Variants in CTNND2 observed in about 807,000 individuals in gnomAD.
The protein encoded by CTNND2 is catenin delta-2.
A neutral mutation model predicts 144.4 loss-of-function variants in CTNND2; 22 were observed. That is an observed-to-expected ratio of 0.15 (90% CI 0.11 to 0.22). CTNND2 has a LOEUF of 0.22. Among genes scored for constraint, CTNND2 ranks in the 10% least tolerant of loss-of-function variants. The pLI is 1.00. For missense variants in CTNND2, 1,353 were observed against 1,618.8 expected (o/e 0.84, Z 2.82); for synonymous variants, 751 against 695.6 (o/e 1.08, Z -1.25).
At chr5:11,436,582 A>G (rs1175106255) in intron 3 of CTNND2, among the ~76,000 whole-genome samples, 1 of 152,190 alleles carries the variant, frequency 6.6e-6, no homozygotes, top group Non-Finnish European at 1.5e-5. Flanking sequence ...GACTTCCCAA[A>G]GATGTTCCTT....
At chr5:11,093,398 G>GT (rs1196081091) in intron 15 of CTNND2, among the ~76,000 whole-genome samples, 5 of 152,160 alleles carry the variant, frequency 3.3e-5, no homozygotes, top group Non-Finnish European at 7.4e-5. Context: ...TGAGAAAAAG[G>GT]TAACTGAAGT....
intron 1 of CTNND2, among the ~76,000 whole-genome samples, chr5:11,842,424 T>C (rs949099568): frequency 2.0e-5 from 3 of 151,772 alleles, no homozygotes; most frequent in African/African-American, 4.8e-5. Context: ...CTGGACAAAA[T>C]CTCCTTAGAT....
chr5:11,676,760 A>G (rs990046239), intron 2 of CTNND2, among the ~76,000 whole-genome samples: 14 of 152,118 alleles, frequency 9.2e-5, no homozygotes, highest in African/African-American at 3.4e-4. Context: ...GGTGCAGATA[A>G]GTTGTATTTT....
intron 12 of CTNND2, among the ~76,000 whole-genome samples, chr5:11,153,550 G>C (rs562471565): frequency 6.6e-5 from 10 of 152,214 alleles, no homozygotes; most frequent in African/African-American, 2.4e-4. Flanking sequence ...TTTGTGAAGG[G>C]GCGTTTCTCA....
At chr5:11,195,604 G>A (rs1459910456) in intron 11 of CTNND2, among the ~76,000 whole-genome samples, 1 of 152,256 alleles carries the variant, frequency 6.6e-6, no homozygotes, top group African/African-American at 2.4e-5. Flanking sequence ...CGAAGCATCA[G>A]ACGGATGGAC....
chr5:11,601,108 G>T (rs1779768694), intron 2 of CTNND2, among the ~76,000 whole-genome samples: 1 of 152,064 alleles, frequency 6.6e-6, no homozygotes, highest in Non-Finnish European at 1.5e-5. Context: ...ATCTCTGAAT[G>T]TATAACTAAG....
intron 2 of CTNND2, among the ~76,000 whole-genome samples, chr5:11,702,622 ACT>A (rs1785503934): frequency 6.6e-6 from 1 of 152,150 alleles, no homozygotes; most frequent in South Asian, 2.1e-4. Context: ...ACTCCAAGCC[ACT>A]CTCCAGCACA....
intron 3 of CTNND2, among the ~76,000 whole-genome samples, chr5:11,492,829 G>C (rs1291610867): frequency 6.6e-6 from 1 of 151,986 alleles, no homozygotes; most frequent in East Asian, 1.9e-4. Context: ...CCAGCACTTT[G>C]GGATGCTGAG....
intron 1 of CTNND2, among the ~76,000 whole-genome samples, chr5:11,870,899 G>A (rs781751039): frequency 1.3e-5 from 2 of 152,190 alleles, no homozygotes; most frequent in South Asian, 2.1e-4. Context: ...AGACACAGGG[G>A]TAAGGTTTCT....
intron 10 of CTNND2, among the ~76,000 whole-genome samples, chr5:11,213,463 G>T (rs1738851078): frequency 1.3e-5 from 2 of 152,080 alleles, no homozygotes; most frequent in South Asian, 4.1e-4. Flanking sequence ...TCCGCAACAA[G>T]GCAAATTGAA....
At chr5:11,279,964 A>G (rs1580783195) in intron 9 of CTNND2, among the ~76,000 whole-genome samples, 1 of 152,280 alleles carries the variant, frequency 6.6e-6, no homozygotes, top group East Asian at 1.9e-4. Context: ...GTCACCTCCC[A>G]CCAGGCCCCA....
At chr5:11,792,224 C>A (rs1247040827) in intron 1 of CTNND2, among the ~76,000 whole-genome samples, 1 of 152,038 alleles carries the variant, frequency 6.6e-6, no homozygotes, top group Non-Finnish European at 1.5e-5. Flanking sequence ...ATAATTATTG[C>A]AATGTTCTAC....
intron 2 of CTNND2, among the ~76,000 whole-genome samples, chr5:11,718,748 T>C (rs1180444649): frequency 3.3e-5 from 5 of 152,212 alleles, no homozygotes; most frequent in Non-Finnish European, 7.3e-5. Flanking sequence ...CCAGCGGATT[T>C]ATAGACCATC....
At chr5:11,239,824 C>T (rs1742027382) in intron 9 of CTNND2, among the ~76,000 whole-genome samples, 1 of 152,192 alleles carries the variant, frequency 6.6e-6, no homozygotes, top group Non-Finnish European at 1.5e-5. Flanking sequence ...AACTCCTACC[C>T]ACGCAATGCC....
chr5:11,633,425 AAAATTCAGCAATGTTAGTTG>A (rs1256175855), intron 2 of CTNND2, among the ~76,000 whole-genome samples: 6 of 152,210 alleles, frequency 3.9e-5, no homozygotes, highest in Non-Finnish European at 8.8e-5. Flanking sequence ...GAAGAAACAG[AAAATTCAGCAATGTTAGTTG>A]AAATTCAGCA....
At chr5:11,826,939 A>G (rs1006254013) in intron 1 of CTNND2, among the ~76,000 whole-genome samples, 11 of 152,056 alleles carry the variant, frequency 7.2e-5, no homozygotes, top group African/African-American at 2.7e-4. Flanking sequence ...AACTGGCCAC[A>G]ATAAAAGAAC....
chr5:11,138,272 G>A (rs985539434), intron 12 of CTNND2, among the ~76,000 whole-genome samples: 10 of 152,094 alleles, frequency 6.6e-5, no homozygotes, highest in African/African-American at 2.2e-4. Context: ...GATTAGACTG[G>A]GCCCACTGGG....
intron 2 of CTNND2, among the ~76,000 whole-genome samples, chr5:11,718,961 A>G (rs1038543929): frequency 6.6e-6 from 1 of 152,208 alleles, no homozygotes; most frequent in Non-Finnish European, 1.5e-5. Context: ...GCAAAGAGTA[A>G]TTCATCAAGC....
intron 1 of CTNND2, among the ~76,000 whole-genome samples, chr5:11,761,559 CA>C (rs59994324): frequency 0.076 from 11,604 of 151,724 alleles, 1,171 homozygotes; most frequent in African/African-American, 0.23. Flanking sequence ...GCTTTTTCAC[CA>C]AGGAAAAAGT....
Sources: allele counts gnomAD v4.1 joint callset (sites outside exome capture counted in the v4.1 genomes callset), GRCh38; gene constraint gnomAD v4.1.1; transcripts MANE v1.5; gene names NCBI Gene and HGNC (gene_info 2026-07-23, HGNC 2026-07-21).